The following CNKSR3 variants were observed in gnomAD, a reference collection of about 807,000 sequenced individuals.
The protein encoded by CNKSR3 is CNKSR family member 3.
Under a neutral mutation model 67.7 loss-of-function variants are expected in CNKSR3, and 36 were observed. The ratio of observed to expected loss-of-function variants is 0.53; its 90% CI spans 0.41 to 0.70. CNKSR3 has a LOEUF of 0.70. Among genes scored for constraint, CNKSR3 ranks in the 30% least tolerant of loss-of-function variants. The pLI is 0.00. For synonymous variants in CNKSR3, 281 were observed against 271.4 expected (o/e 1.04, Z -0.35); for missense variants, 630 against 695.2 (o/e 0.91, Z 1.05).
At chr6:154,430,814 A>T (rs1194090633) in intron 5 of CNKSR3, among the ~76,000 whole-genome samples, 1 of 152,148 alleles carries the variant, frequency 6.6e-6, no homozygotes, top group Non-Finnish European at 1.5e-5. Context: ...CTTTTATATT[A>T]GCTCCTTTAT....
At chr6:154,491,360 T>C (rs1040527696) in intron 1 of CNKSR3, among the ~76,000 whole-genome samples, 2 of 152,180 alleles carry the variant, frequency 1.3e-5, no homozygotes, top group Non-Finnish European at 2.9e-5. Flanking sequence ...AAACGGTAGG[T>C]ACTCAATAAA....
At chr6:154,437,085 T>C (rs540800341) in intron 4 of CNKSR3, among the ~76,000 whole-genome samples, 14 of 152,252 alleles carry the variant, frequency 9.2e-5, no homozygotes, top group African/African-American at 2.9e-4. Flanking sequence ...CAAATGTCTC[T>C]TCACAGACAA....
At chr6:154,459,092 A>C (rs951544593) in intron 1 of CNKSR3, among the ~76,000 whole-genome samples, 4 of 151,810 alleles carry the variant, frequency 2.6e-5, no homozygotes, top group South Asian at 4.2e-4. Flanking sequence ...GAGAAAGAAG[A>C]AAAAGAAAGA....
Position 154,420,688 on chromosome 6 carries a change from CAAAAAAAAAAAAAAAA to C in CNKSR3, c.945+1802_945+1817del, listed in dbSNP as rs1166654953. ...TGGGCGACAGAGCGAGACTCCGTCTCAAAAAAAAAAAAAAAAAAAAAAAAAAAAATGCATTGCATGC... is the reference window on the plus strand; with the variant it reads ...TGGGCGACAGAGCGAGACTCCGTCTCAAAAAAAAAAAAATGCATTGCATGC... On this transcript the variant is annotated intron_variant, in intron 9 of 12. Transcript: ENST00000607772. Among the ~76,000 whole-genome samples, 420 of 79,390 alleles carry C rather than the reference CAAAAAAAAAAAAAAAA, an allele frequency of 5.3e-3. 4 individuals carry two copies. The highest frequency in any genetic ancestry group is 0.017 in the Admixed American group (113 of 6,502). The allele number at this position is 79,390 out of a possible 152,430, so 52.1% of individuals were successfully genotyped here. A position where few individuals can be genotyped will look rare whatever the true frequency, so the allele number is the denominator to read the frequency against.
chr6:154,453,868 A>G (rs1195835157), intron 1 of CNKSR3, among the ~76,000 whole-genome samples: 1 of 152,188 alleles, frequency 6.6e-6, no homozygotes, highest in Non-Finnish European at 1.5e-5. Context: ...AGCAATTTAC[A>G]GAAAGTCTAG....
At chr6:154,509,218 G>A (rs1787162219) in intron 1 of CNKSR3, among the ~76,000 whole-genome samples, 1 of 152,084 alleles carries the variant, frequency 6.6e-6, no homozygotes, top group Admixed American at 6.5e-5. Context: ...GTAAACTCTA[G>A]TACCTTTCCC....
chr6:154,404,479 A>C lies in CNKSR3; in HGVS notation c.*1875T>G, dbSNP rs1784751693. On this transcript the variant is annotated 3_prime_UTR_variant, in exon 13 of 13. Coordinates refer to ENST00000607772, the MANE Select transcript of CNKSR3 (RefSeq NM_173515.4). ...AGTTCTGGAATTACAGGCATGAGCCACTGCGCCAGGCCGAAATACCAGATC... is the reference window on the plus strand; with the variant it reads ...AGTTCTGGAATTACAGGCATGAGCCCCTGCGCCAGGCCGAAATACCAGATC... The C allele has an allele frequency of 6.6e-6, 1 of 152,222 alleles. No individual in the cohort carries two copies. The highest frequency in any genetic ancestry group is 6.5e-5 in the Admixed American group (1 of 15,274). 9.4% of individuals were successfully genotyped at this position (152,222 alleles called of 1,614,324 possible). A position where few individuals can be genotyped will look rare whatever the true frequency, so the allele number is the denominator to read the frequency against.
intron 2 of CNKSR3, among the ~76,000 whole-genome samples, chr6:154,447,826 C>T (rs1785738793): frequency 6.6e-6 from 1 of 152,046 alleles, no homozygotes; most frequent in African/African-American, 2.4e-5. Context: ...CATTAACTGC[C>T]CTGGAGATGT....
intron 9 of CNKSR3, among the ~76,000 whole-genome samples, chr6:154,416,262 C>A (rs1426579876): frequency 6.6e-6 from 1 of 152,138 alleles, no homozygotes; most frequent in African/African-American, 2.4e-5. Flanking sequence ...CTAGACATGG[C>A]CACCAGGAGA....
chr6:154,417,472 G>A (rs1785046958), intron 9 of CNKSR3, among the ~76,000 whole-genome samples: 1 of 152,118 alleles, frequency 6.6e-6, no homozygotes, highest in Non-Finnish European at 1.5e-5. Flanking sequence ...CCCATCACCA[G>A]CCTTGCCCAG....
Position 154,467,509 on chromosome 6 carries a change from C to T in CNKSR3, c.53-17251G>A, listed in dbSNP as rs116331741. On this transcript the variant is annotated intron_variant, in intron 1 of 12. Transcript: ENST00000607772. ...AACTGGAGATGCCATCTTCTGCTTA[C>T]GATCGCCACAGCTGTTTAGTGACTT... 3.2e-3 allele frequency among the ~76,000 whole-genome samples: 492 copies of T among 152,208 alleles called. 3 individuals carry two copies. Among genetic ancestry groups the T allele is most frequent in the African/African-American group, 0.011 (456 of 41,530 alleles).
rs560485481 is a variant in CNKSR3 at position 154,477,221 on chromosome 6, C to T, written c.53-26963G>A. ...ACTGAACTATCAAAAATGATTGTAA[C>T]ATTATAACATCATGGCTTTTATTGG... On this transcript the variant is annotated intron_variant, in intron 1 of 12. Coordinates refer to ENST00000607772, the MANE Select transcript of CNKSR3 (RefSeq NM_173515.4). 9.9e-5 allele frequency among the ~76,000 whole-genome samples: 15 copies of T among 152,016 alleles called. No individual in the cohort carries two copies. The East Asian group carries it at 2.5e-3, about 25-fold the overall frequency.
rs974180881 is a variant in CNKSR3, at chr6:154,441,446, G to A, written c.420-67C>T. On this transcript the variant is annotated intron_variant, in intron 3 of 12. Transcript: ENST00000607772. ...ATCCACGGGGATCCCACTGGATGTT[G>A]GTAAGCATAGCTACCCCATGGGCTA... is the stretch of plus-strand genomic sequence containing the variant. 12 of 1,148,738 alleles carry A rather than the reference G, an allele frequency of 1.0e-5. No individual in the cohort carries two copies. The African/African-American group carries it at 1.4e-4, about 13-fold the overall frequency. The allele number at this position is 1,148,738 out of a possible 1,614,324, so 71.2% of individuals were successfully genotyped here. A position where few individuals can be genotyped will look rare whatever the true frequency, so the allele number is the denominator to read the frequency against.
intron 9 of CNKSR3, among the ~76,000 whole-genome samples, chr6:154,414,968 C>T (rs949619389): frequency 6.6e-6 from 1 of 151,450 alleles, no homozygotes; most frequent in African/African-American, 2.4e-5. Context: ...CGTGGTGGCA[C>T]ACGCCTGTAG....
intron 1 of CNKSR3, among the ~76,000 whole-genome samples, chr6:154,507,381 T>G (rs1305158056): frequency 6.6e-6 from 1 of 152,198 alleles, no homozygotes; most frequent in Non-Finnish European, 1.5e-5. Flanking sequence ...CCTACCCAGA[T>G]TCATGCAATA....
chr6:154,429,938 T>G (rs898339057), intron 6 of CNKSR3, among the ~76,000 whole-genome samples: 3 of 152,230 alleles, frequency 2.0e-5, no homozygotes, highest in African/African-American at 7.2e-5. Context: ...TCTAAGCTAA[T>G]TAATGGGCTT....
Position 154,398,894 on chromosome 6 carries a change from C to G in CNKSR3, c.*7460G>C, listed in dbSNP as rs746288030. On this transcript the variant is annotated 3_prime_UTR_variant, in exon 13 of 13. Transcript: ENST00000607772. ...GTCGGGAGTTCGAGACCAGCCTGAC[C>G]AACACGAAGAAACCCCATCTACTAA... The G allele has an allele frequency of 3.3e-5, 5 of 152,174 alleles. No individual in the cohort carries two copies. The highest frequency in any genetic ancestry group is 2.1e-4 in the South Asian group (1 of 4,826). 9.4% of individuals were successfully genotyped at this position (152,174 alleles called of 1,614,324 possible).
At chr6:154,437,527 C>T (rs1582859073) in intron 4 of CNKSR3, among the ~76,000 whole-genome samples, 1 of 149,766 alleles carries the variant, frequency 6.7e-6, no homozygotes, top group African/African-American at 2.5e-5. Flanking sequence ...GATTCTCCTG[C>T]CTTAGCCTCC....
intron 9 of CNKSR3, among the ~76,000 whole-genome samples, chr6:154,421,233 C>T (rs1277743054): frequency 6.6e-6 from 1 of 152,190 alleles, no homozygotes; most frequent in Non-Finnish European, 1.5e-5. Context: ...AGGCTGGTCT[C>T]AAACTCCTAA....
Sources: allele counts gnomAD v4.1 joint callset (sites outside exome capture counted in the v4.1 genomes callset), GRCh38; gene constraint gnomAD v4.1.1; transcripts MANE v1.5; gene names NCBI Gene and HGNC (gene_info 2026-07-23, HGNC 2026-07-21).